DNAJB11: variants seen among roughly 807,000 people sequenced by gnomAD.
DNAJB11 encodes DnaJ heat shock protein family (Hsp40) member B11.
In DNAJB11, 30 loss-of-function variants were observed where a neutral mutation model predicts 47.2. That is an observed-to-expected ratio of 0.64 (90% confidence interval 0.48 to 0.86). DNAJB11 has a LOEUF of 0.86. DNAJB11 is among the 40% of genes least tolerant of loss of function. The pLI is 0.00. For missense variants in DNAJB11, 357 were observed against 440.2 expected (o/e 0.81, Z 1.69); for synonymous variants, 151 against 159.9 (o/e 0.94, Z 0.42).
chr3:186,581,535 G>T, intron 5 of DNAJB11, 22 bp downstream of exon 5: 3 of 1,608,314 alleles, frequency 1.9e-6, no homozygotes, highest in Non-Finnish European at 2.5e-6. Flanking sequence ...CACCTTCTTT[G>T]TTCTACCAAG....
chr3:186,582,109 G>C (rs1354427198), intron 6 of DNAJB11, 32 bp downstream of exon 6: 1 of 1,561,148 alleles, frequency 6.4e-7, no homozygotes. Flanking sequence ...TTTTGATTGT[G>C]ATAACTTTTT....
rs1006610310 is a variant in DNAJB11 at position 186,585,212 on chromosome 3, T to C, written c.1013-132T>C. ...TACCTACATGCAATTACGTTGGAGA[T>C]TGGTAGTTATTTAATTCACATCCAT... On this transcript the variant is annotated intron_variant, in intron 9 of 9. Transcript: ENST00000265028. 29 of 611,656 alleles carry C rather than the reference T, an allele frequency of 4.7e-5. 1 individual carries two copies. The highest frequency in any genetic ancestry group is 2.8e-4 in the East Asian group (9 of 32,446). The allele number at this position is 611,656 out of a possible 1,614,324, so 37.9% of individuals were successfully genotyped here. A position where few individuals can be genotyped will look rare whatever the true frequency, so the allele number is the denominator to read the frequency against.
chr3:186,579,655 C>A, intron 4 of DNAJB11: 1 of 152,368 alleles, frequency 6.6e-6, no homozygotes, highest in East Asian at 1.9e-4. Flanking sequence ...CTTACAGGTA[C>A]CAGCAACTAC....
At chr3:186,583,207 C>A (rs1277310488) in intron 7 of DNAJB11, among the ~76,000 whole-genome samples, 1 of 152,210 alleles carries the variant, frequency 6.6e-6, no homozygotes, top group Non-Finnish European at 1.5e-5. Flanking sequence ...TTGCCTGGGA[C>A]TCCAGCTTTC....
Position 186,582,761 on chromosome 3 carries a change from T to C in DNAJB11, c.728T>C (p.Ile243Thr). 1.3e-6 allele frequency: 2 copies of C among 1,582,150 alleles called. No individual in the cohort carries two copies. The highest frequency in any genetic ancestry group is 1.7e-6 in the Non-Finnish European group (2 of 1,162,200). Residue 243 changes from isoleucine to threonine, a missense_variant, in exon 7 of 10, where the codon ATC (isoleucine) becomes ACC (threonine). Ile to Thr is a moderately conservative substitution (Grantham distance 89). Transcript: ENST00000265028. ...DGEPGDLRFR[I>T]KVVKHPIFER... ...GAGCCTGGAGATTTACGGTTCCGAA[T>C]CAAAGTTGTCAAGTAAGTAATCTAA...
chr3:186,581,887 C>G, intron 5 of DNAJB11, 108 bp from the exon 6 acceptor site: 1 of 892,044 alleles, frequency 1.1e-6, no homozygotes, highest in Non-Finnish European at 1.7e-6. Flanking sequence ...AGGCACACTA[C>G]AGTCTTCCAA....
intron 2 of DNAJB11, among the ~76,000 whole-genome samples, chr3:186,573,903 G>A (rs1715175582): frequency 6.6e-6 from 1 of 152,114 alleles, no homozygotes; most frequent in Non-Finnish European, 1.5e-5. Flanking sequence ...GAATCTTCAC[G>A]TTCTTTATCA....
Position 186,570,751 on chromosome 3 carries a change from G to A in DNAJB11, c.-147G>A, listed in dbSNP as rs949217135. On this transcript the variant is annotated 5_prime_UTR_variant, in exon 1 of 10. Transcript: ENST00000265028. Reference sequence around the variant, plus strand: ...GGGAAGTGGACCGGCAGAAGAGGGGGCTAGCTAGCTGTCTCTGCGGACCAA... The same window carrying A: ...GGGAAGTGGACCGGCAGAAGAGGGGACTAGCTAGCTGTCTCTGCGGACCAA... 5 of 703,498 alleles carry A rather than the reference G, an allele frequency of 7.1e-6. No individual in the cohort carries two copies. The East Asian group carries it at 1.2e-4, about 16-fold the overall frequency. The allele number at this position is 703,498 out of a possible 1,614,324, so 43.6% of individuals were successfully genotyped here. A position where few individuals can be genotyped will look rare whatever the true frequency, so the allele number is the denominator to read the frequency against.
At chr3:186,581,888 A>G (rs1433447367) in intron 5 of DNAJB11, 107 bp from the exon 6 acceptor site, 2 of 896,820 alleles carry the variant, frequency 2.2e-6, no homozygotes, top group East Asian at 2.7e-5. Flanking sequence ...GGCACACTAC[A>G]GTCTTCCAAG....
rs562609029 is a variant in DNAJB11, at chr3:186,582,732, T to A, written c.699T>A (p.Asp233Glu). Residue 233 changes from aspartate to glutamate, a missense_variant, in exon 7 of 10, where the codon GAT becomes GAA. Physicochemically the swap from Asp to Glu is conservative, Grantham distance 45. Coordinates refer to ENST00000265028, the MANE Select transcript of DNAJB11 (RefSeq NM_016306.6). ...TCTGACTAGGTGAGCCTCACGTGGA[T>A]GGGGAGCCTGGAGATTTACGGTTCC... The part of the protein sequence containing the change: ...PFIGEGEPHV[D>E]GEPGDLRFRI... 1 of 1,591,916 alleles carries A rather than the reference T, an allele frequency of 6.3e-7. No homozygotes were observed. The highest frequency in any genetic ancestry group is 1.8e-5 in the Admixed American group (1 of 56,932).
intron 3 of DNAJB11, 146 bp downstream of exon 3, chr3:186,576,083 G>T: frequency 1.7e-6 from 1 of 595,696 alleles, no homozygotes; most frequent in East Asian, 2.9e-5. Context: ...TCCTCCCTGT[G>T]GGAAGATAGT....
intron 7 of DNAJB11, 60 bp downstream of exon 7, chr3:186,582,833 C>T (rs376381255): frequency 1.6e-6 from 2 of 1,221,382 alleles, no homozygotes; most frequent in Middle Eastern, 2.1e-4. Flanking sequence ...ACGTAGGTGG[C>T]CACCAGAGCA....
In DNAJB11 at chr3:186,583,924, TTGAGTCACTGGTTGGCTTTGAGATGGATA is replaced by T; in HGVS notation, c.802_830del (p.Glu268TyrfsTer14). ...TACACAAATGTGACAATCTCATTAGTTGAGTCACTGGTTGGCTTTGAGATGGATATTACTCACTTGGATGGTCACAAGGT... is the reference window on the plus strand; with the variant it reads ...TACACAAATGTGACAATCTCATTAGTTTACTCACTTGGATGGTCACAAGGT... On this transcript the variant is annotated frameshift_variant, in exon 8 of 10. Transcript: ENST00000265028. LOFTEE classifies it high-confidence loss of function. 6.2e-7 allele frequency: 1 copy of T among 1,613,816 alleles called. No individual in the cohort carries two copies.
At chr3:186,571,022 TGGGA>T in intron 1 of DNAJB11, 57 bp downstream of exon 1, 4 of 208,308 alleles carry the variant, frequency 1.9e-5, no homozygotes, top group East Asian at 9.8e-5. Context: ...TGCTGGGGGG[TGGGA>T]GGGGGTGGGG....
chr3:186,584,047 C>T (rs891259875), intron 8 of DNAJB11, 71 bp downstream of exon 8: 32 of 1,104,472 alleles, frequency 2.9e-5, no homozygotes, highest in Middle Eastern at 4.0e-4. Flanking sequence ...GATGTATCAG[C>T]TGTTTCAGTC....
At chr3:186,577,921 A>G in intron 4 of DNAJB11, 121 bp downstream of exon 4, 1 of 770,210 alleles carries the variant, frequency 1.3e-6, no homozygotes, top group South Asian at 2.6e-5. Context: ...GATCAAATGC[A>G]CAAAATTGAA....
In DNAJB11 at chr3:186,570,755, G is replaced by C; in HGVS notation, c.-143G>C. 1 of 725,610 alleles carries C rather than the reference G, an allele frequency of 1.4e-6. No homozygotes were observed. The highest frequency in any genetic ancestry group is 2.3e-6 in the Non-Finnish European group (1 of 428,100). The allele number at this position is 725,610 out of a possible 1,614,324, so 44.9% of individuals were successfully genotyped here. A position where few individuals can be genotyped will look rare whatever the true frequency, so the allele number is the denominator to read the frequency against. ...AGTGGACCGGCAGAAGAGGGGGCTA[G>C]CTAGCTGTCTCTGCGGACCAAGGAG... On this transcript the variant is annotated 5_prime_UTR_variant, in exon 1 of 10. Transcript: ENST00000265028.
Position 186,572,422 on chromosome 3 carries a change from A to C in DNAJB11, c.225+171A>C, listed in dbSNP as rs1961331. 0.27 allele frequency among the ~76,000 whole-genome samples: 40,333 copies of C among 151,902 alleles called. 6,719 individuals carry two copies. The highest frequency in any genetic ancestry group is 0.47 in the African/African-American group (19,571 of 41,344). ...AGTGGTGCAATCTCCGCTCACTGCA[A>C]CGTCCACCTCCTGGGTTCAAGCAGT... is the stretch of plus-strand genomic sequence containing the variant. On this transcript the variant is annotated intron_variant, in intron 2 of 9. Transcript: ENST00000265028.
At chr3:186,583,367 T>A (rs1235314940) in intron 7 of DNAJB11, among the ~76,000 whole-genome samples, 3 of 152,210 alleles carry the variant, frequency 2.0e-5, no homozygotes, top group Admixed American at 2.0e-4. Flanking sequence ...TTAATCTCAG[T>A]GTTGTTTTCC....
Sources: allele counts gnomAD v4.1 joint callset (sites outside exome capture counted in the v4.1 genomes callset), GRCh38; gene constraint gnomAD v4.1.1; transcripts MANE v1.5; gene names NCBI Gene and HGNC (gene_info 2026-07-23, HGNC 2026-07-21).